The following TMC1 variants were observed in gnomAD, a reference collection of about 807,000 sequenced individuals.
TMC1 encodes transmembrane channel-like protein 1.
TMC1 carries 84 observed loss-of-function variants against 105.8 expected under a neutral mutation model. That is an observed-to-expected ratio of 0.79 (90% CI 0.67 to 0.95). The LOEUF (loss-of-function observed/expected upper bound fraction) is 0.95, where lower values mean the gene tolerates loss of function less well. Among genes scored for constraint, TMC1 ranks in the 40% least tolerant of loss-of-function variants. The pLI is 0.00. For missense variants in TMC1, 817 were observed against 914.1 expected, an observed-to-expected ratio of 0.89 and a Z score of 1.37; for synonymous variants, 315 against 311.5, an observed-to-expected ratio of 1.01 and a Z score of -0.12.
chr9:72,556,472 C>T (rs1459466339), intron 1 of TMC1, among the ~76,000 whole-genome samples: 2 of 151,686 alleles, frequency 1.3e-5, no homozygotes, highest in East Asian at 2.0e-4. Context: ...CACAAATTTC[C>T]ACACATAAAT....
chr9:72,750,077 A>C (rs55747811), intron 10 of TMC1, among the ~76,000 whole-genome samples: 1 of 152,198 alleles, frequency 6.6e-6, no homozygotes, highest in Non-Finnish European at 1.5e-5. Context: ...ACTGCACTCC[A>C]ACCTGGGTGA....
intron 13 of TMC1, among the ~76,000 whole-genome samples, chr9:72,775,641 T>C (rs534466274): frequency 1.3e-5 from 2 of 152,326 alleles, no homozygotes; most frequent in East Asian, 3.8e-4. Flanking sequence ...GACTTTTTCC[T>C]GTTTGTAGGA....
At chr9:72,558,142 TTCTC>T (rs900878535) in intron 1 of TMC1, among the ~76,000 whole-genome samples, 37 of 150,940 alleles carry the variant, frequency 2.5e-4, no homozygotes, top group African/African-American at 7.7e-4. Context: ...TGGTGAACAT[TTCTC>T]TCTCTCTCTC....
chr9:72,788,411 C>T lies in TMC1; in HGVS notation c.957C>T (p.Thr319=), dbSNP rs750432713. ...NTFNFSWKVF[T]SWDYLIGNPE... ...TCAATTTCAGCTGGAAGGTCTTTAC[C>T]AGCTGGGACTACCTGATCGGCAATC... is the stretch of plus-strand genomic sequence containing the variant. Residue 319 remains threonine (T), a synonymous_variant, in exon 14 of 24, where the codon ACC becomes ACT. Coordinates refer to ENST00000297784, the MANE Select transcript of TMC1 (RefSeq NM_138691.3). 1 of 1,613,944 alleles carries T rather than the reference C, an allele frequency of 6.2e-7. No individual in the cohort carries two copies. Among genetic ancestry groups the T allele is most frequent in the Admixed American group, 1.7e-5 (1 of 60,014 alleles).
intron 5 of TMC1, among the ~76,000 whole-genome samples, chr9:72,660,694 A>G (rs1825958144): frequency 6.6e-6 from 1 of 152,180 alleles, no homozygotes; most frequent in African/African-American, 2.4e-5. Context: ...TCTTGCAAAA[A>G]TATCTCCTGA....
rs727503486 is a variant in TMC1, at chr9:72,820,874, G to A, written c.1796G>A (p.Gly599Asp). 6.2e-7 allele frequency: 1 copy of A among 1,614,110 alleles called. No individual in the cohort carries two copies. The highest frequency in any genetic ancestry group is 8.5e-7 in the Non-Finnish European group (1 of 1,180,026). Residue 599 changes from glycine (G) to aspartate (D), a missense_variant, in exon 20 of 24, where the codon GGC (glycine) becomes GAC (aspartate). Physicochemically the swap from Gly to Asp is moderately conservative, Grantham distance 94. Transcript: ENST00000297784. ...TCCTTCTTTGCTCCCAGCCTCCCAG[G>A]CATCAATATCCTTCGACTCCATACA... ...MGSFFAPSLP[G>D]INILRLHTSM... is the part of the protein sequence containing the mutation.
chr9:72,610,295 T>C (rs1316067285), intron 2 of TMC1, among the ~76,000 whole-genome samples: 1 of 152,170 alleles, frequency 6.6e-6, no homozygotes, highest in African/African-American at 2.4e-5. Flanking sequence ...ATTTATTATA[T>C]AATTCATTAT....
Position 72,830,615 on chromosome 9 carries a change from AT to A in TMC1, c.2209-10del. 3 of 1,613,144 alleles carry A rather than the reference AT, an allele frequency of 1.9e-6. No individual in the cohort carries two copies. The highest frequency in any genetic ancestry group is 2.5e-6 in the Non-Finnish European group (3 of 1,179,480). On this transcript the variant is annotated splice_polypyrimidine_tract_variant and intron_variant, in intron 22 of 23. Transcript: ENST00000297784. ...CTGAGAAATCTACTTTTTTCCCCTTATTTTTTATTGTGTAGCAAGCTTTGGA... is the reference window on the plus strand; with the variant it reads ...CTGAGAAATCTACTTTTTTCCCCTTATTTTTATTGTGTAGCAAGCTTTGGA...
intron 8 of TMC1, among the ~76,000 whole-genome samples, chr9:72,712,799 A>T (rs1360595650): frequency 6.6e-6 from 1 of 152,128 alleles, no homozygotes; most frequent in East Asian, 1.9e-4. Context: ...AACTTCCAAT[A>T]CTATGTTGAA....
At chr9:72,592,237 G>C (rs1213438025) in intron 2 of TMC1, among the ~76,000 whole-genome samples, 1 of 152,156 alleles carries the variant, frequency 6.6e-6, no homozygotes, top group Admixed American at 6.5e-5. Flanking sequence ...AGATGGTGAA[G>C]TCAAAGCTAC....
At chr9:72,731,692 G>A (rs1476806184) in intron 8 of TMC1, among the ~76,000 whole-genome samples, 1 of 152,096 alleles carries the variant, frequency 6.6e-6, no homozygotes, top group African/African-American at 2.4e-5. Context: ...CGTGACATTA[G>A]GGCATGCCAG....
chr9:72,756,582 A>G (rs1287018094), intron 12 of TMC1, among the ~76,000 whole-genome samples: 1 of 152,100 alleles, frequency 6.6e-6, no homozygotes, highest in African/African-American at 2.4e-5. Flanking sequence ...CCACTGTTTT[A>G]ATTTCTCATT....
At chr9:72,706,171 CTT>C (rs1826733764) in intron 8 of TMC1, among the ~76,000 whole-genome samples, 1 of 152,118 alleles carries the variant, frequency 6.6e-6, no homozygotes, top group Non-Finnish European at 1.5e-5. Flanking sequence ...GTTGGGAAAA[CTT>C]TGGGAAAACT....
intron 12 of TMC1, among the ~76,000 whole-genome samples, chr9:72,766,823 CTA>C (rs1827845989): frequency 6.6e-6 from 1 of 152,166 alleles, no homozygotes; most frequent in Non-Finnish European, 1.5e-5. Flanking sequence ...TGTTTCATGT[CTA>C]TGAATCTGGG....
chr9:72,759,200 T>C (rs1827716473), intron 12 of TMC1, among the ~76,000 whole-genome samples: 1 of 152,052 alleles, frequency 6.6e-6, no homozygotes, highest in Non-Finnish European at 1.5e-5. Context: ...TTGAGTGTGC[T>C]CGAACAGACT....
intron 1 of TMC1, among the ~76,000 whole-genome samples, chr9:72,529,170 G>A (rs943337956): frequency 9.9e-5 from 15 of 151,376 alleles, no homozygotes; most frequent in Non-Finnish European, 2.2e-4. Context: ...CGGGTGGGGC[G>A]GTGGGTGGGT....
chr9:72,678,753 G>C (rs1826243889), intron 5 of TMC1, among the ~76,000 whole-genome samples: 1 of 151,928 alleles, frequency 6.6e-6, no homozygotes, highest in Non-Finnish European at 1.5e-5. Flanking sequence ...GAGATACATG[G>C]TTTGACCACT....
chr9:72,642,702 A>G (rs754591171), intron 4 of TMC1, among the ~76,000 whole-genome samples: 4 of 152,216 alleles, frequency 2.6e-5, no homozygotes, highest in Non-Finnish European at 5.9e-5. Flanking sequence ...CTACAGCCCA[A>G]GGTTAAGCCA....
intron 2 of TMC1, among the ~76,000 whole-genome samples, chr9:72,606,285 T>C (rs184656799): frequency 6.6e-6 from 1 of 152,300 alleles, no homozygotes; most frequent in Admixed American, 6.5e-5. Flanking sequence ...ACATAGCAGC[T>C]GGCTTCCCCA....
Sources: gnomAD v4.1 joint callset for allele counts (sites outside exome capture counted in the v4.1 genomes callset) on GRCh38, gnomAD v4.1.1 for gene constraint, MANE v1.5 for transcripts, NCBI Gene and HGNC (gene_info 2026-07-23, HGNC 2026-07-21) for gene names.